The following TFDP2 variants were observed in gnomAD, a reference collection of about 807,000 sequenced individuals.
TFDP2 encodes the protein transcription factor Dp-2, also known as transcription factor Dp-2 (E2F dimerization partner 2).
Under a neutral mutation model 59.3 loss-of-function variants are expected in TFDP2, and 17 were observed. That is an observed-to-expected ratio of 0.29 (90% CI 0.20 to 0.43). The LOEUF (loss-of-function observed/expected upper bound fraction) is 0.43, where lower values mean the gene tolerates loss of function less well. TFDP2 is among the 20% of genes least tolerant of loss of function. The pLI, the probability that TFDP2 is intolerant of heterozygous loss-of-function variation, is 1.00. For synonymous variants in TFDP2, 180 were observed against 194.7 expected, an observed-to-expected ratio of 0.92 and a Z score of 0.63; for missense variants, 391 against 528.8, an observed-to-expected ratio of 0.74 and a Z score of 2.56.
chr3:141,957,985 C>A (rs1202767297), intron 11 of TFDP2, among the ~76,000 whole-genome samples: 1 of 152,124 alleles, frequency 6.6e-6, no homozygotes, highest in Non-Finnish European at 1.5e-5. Flanking sequence ...AATTCAATCT[C>A]AATTTAGAAA....
intron 2 of TFDP2, chr3:142,093,942 A>G (rs763753146): frequency 1.9e-6 from 1 of 512,824 alleles, no homozygotes. Context: ...TGCTCAATCC[A>G]TGTCAGCATA....
At chr3:142,046,374 T>C (rs1460973855) in intron 3 of TFDP2, among the ~76,000 whole-genome samples, 1 of 152,224 alleles carries the variant, frequency 6.6e-6, no homozygotes, top group Admixed American at 6.5e-5. Context: ...AAGTAGGGCC[T>C]GAGAAAAGGC....
intron 6 of TFDP2, among the ~76,000 whole-genome samples, chr3:141,990,809 A>C (rs1425696801): frequency 2.6e-5 from 4 of 152,080 alleles, no homozygotes; most frequent in African/African-American, 9.7e-5. Context: ...TGTAATCCCA[A>C]TTCTTTGGGA....
intron 6 of TFDP2, among the ~76,000 whole-genome samples, chr3:141,979,030 C>T (rs7642874): frequency 0.34 from 51,232 of 152,022 alleles, 8,875 homozygotes; most frequent in African/African-American, 0.44. Context: ...TCTTTTCCTA[C>T]TCTATGTAGA....
intron 9 of TFDP2, among the ~76,000 whole-genome samples, 153 bp downstream of exon 9, chr3:141,969,920 G>C (rs948428266): frequency 7.2e-5 from 11 of 152,184 alleles, no homozygotes; most frequent in Non-Finnish European, 1.5e-4. Flanking sequence ...GGCAGAGCAC[G>C]TGGATGGCAA....
chr3:142,059,771 G>A (rs142390721), intron 3 of TFDP2, among the ~76,000 whole-genome samples: 12,868 of 152,112 alleles, frequency 0.085, 687 homozygotes, highest in Middle Eastern at 0.14. Flanking sequence ...TAGTAGAGAC[G>A]GGGTTTTGCC....
intron 3 of TFDP2, among the ~76,000 whole-genome samples, chr3:142,084,839 G>C (rs1406613154): frequency 6.6e-6 from 1 of 152,096 alleles, no homozygotes; most frequent in African/African-American, 2.4e-5. Flanking sequence ...TAGTGGCGTG[G>C]CAGGGATGGC....
intron 3 of TFDP2, among the ~76,000 whole-genome samples, chr3:142,021,095 T>A (rs564836112): frequency 1.9e-4 from 29 of 152,342 alleles, no homozygotes; most frequent in African/African-American, 7.0e-4. Context: ...TGAACCATGT[T>A]CGCCAAAAGT....
At chr3:142,107,644 C>T (rs1466612614) in intron 1 of TFDP2, among the ~76,000 whole-genome samples, 3 of 152,108 alleles carry the variant, frequency 2.0e-5, no homozygotes, top group African/African-American at 4.8e-5. Flanking sequence ...CGCACCTCAA[C>T]TTTATCAGAT....
chr3:141,977,108 T>A (rs9867198), intron 7 of TFDP2, among the ~76,000 whole-genome samples: 15,248 of 66,530 alleles, frequency 0.23, 1,021 homozygotes, highest in South Asian at 0.27. Context: ...ATATATATAT[T>A]TTTTTTTTTT....
At chr3:142,069,862 G>A (rs1314219612) in intron 3 of TFDP2, among the ~76,000 whole-genome samples, 1 of 151,886 alleles carries the variant, frequency 6.6e-6, no homozygotes, top group African/African-American at 2.4e-5. Context: ...GCCCACCTCA[G>A]CCTCTCAAAG....
chr3:141,971,393 A>T (rs1939720225), intron 8 of TFDP2, among the ~76,000 whole-genome samples: 1 of 150,814 alleles, frequency 6.6e-6, no homozygotes, highest in Non-Finnish European at 1.5e-5. Flanking sequence ...AAAAAAAAAA[A>T]AAAAAATTAG....
At position 141,946,626 on chromosome 3, in the gene TFDP2, G is replaced by T. The variant is rs1008670892; in HGVS notation, c.*5887C>A. On this transcript the variant is annotated 3_prime_UTR_variant, in exon 13 of 13. Transcript: ENST00000489671. The stretch of plus-strand genomic sequence containing the variant: ...GTGGAGTGAGACATGTGGGAAAATC[G>T]GATCCCAGAGATTACCTAAGCATCA... 20 of 152,128 alleles carry T rather than the reference G, an allele frequency of 1.3e-4. No individual in the cohort carries two copies. Among genetic ancestry groups the T allele is most frequent in the African/African-American group, 4.8e-4 (20 of 41,424 alleles). 9.4% of individuals were successfully genotyped at this position (152,128 alleles called of 1,614,324 possible).
At chr3:142,021,637 T>C (rs1181768644) in intron 3 of TFDP2, among the ~76,000 whole-genome samples, 1 of 152,220 alleles carries the variant, frequency 6.6e-6, no homozygotes, top group African/African-American at 2.4e-5. Flanking sequence ...CCTCCTTTTC[T>C]TGTATCTAGA....
At chr3:142,090,362 G>T (rs1180432921) in intron 3 of TFDP2, among the ~76,000 whole-genome samples, 2 of 152,000 alleles carry the variant, frequency 1.3e-5, no homozygotes, top group Non-Finnish European at 1.5e-5. Context: ...CTCTCCATTT[G>T]TTCTATAAAG....
At chr3:142,125,500 ACG>A (rs1491289167) in intron 1 of TFDP2, among the ~76,000 whole-genome samples, 2 of 152,080 alleles carry the variant, frequency 1.3e-5, no homozygotes, top group Admixed American at 1.3e-4. Flanking sequence ...ATACACACAC[ACG>A]CACACACACA....
chr3:142,102,697 T>A (rs1209522154), intron 1 of TFDP2, among the ~76,000 whole-genome samples: 2 of 152,194 alleles, frequency 1.3e-5, no homozygotes, highest in African/African-American at 4.8e-5. Context: ...AGCCAAGTGA[T>A]CAAAGTTACC....
intron 3 of TFDP2, among the ~76,000 whole-genome samples, chr3:142,052,849 G>A (rs906239052): frequency 2.6e-5 from 4 of 151,104 alleles, no homozygotes; most frequent in African/African-American, 4.9e-5. Flanking sequence ...TTGCTCTGTC[G>A]CCCAGGCTGG....
chr3:142,092,896 G>C (rs1031425524), intron 3 of TFDP2, 165 bp downstream of exon 3: 3 of 469,342 alleles, frequency 6.4e-6, no homozygotes, highest in Non-Finnish European at 1.1e-5. Flanking sequence ...TCCTCCGTCT[G>C]TCAGAGGTAA....
Sources: allele counts gnomAD v4.1 joint callset (sites outside exome capture counted in the v4.1 genomes callset), GRCh38; gene constraint gnomAD v4.1.1; transcripts MANE v1.5; gene names NCBI Gene and HGNC (gene_info 2026-07-23, HGNC 2026-07-21).